The following SOX5 variants were observed in gnomAD, a reference collection of about 807,000 sequenced individuals.
SOX5 encodes SRY-box transcription factor 5, also known as transcription factor SOX-5.
Under a neutral mutation model 92.0 loss-of-function variants are expected in SOX5, and 9 were observed. The ratio of observed to expected loss-of-function variants is 0.10; its 90% CI spans 0.06 to 0.17. SOX5 has a LOEUF of 0.17. Among genes scored for constraint, SOX5 ranks in the 10% least tolerant of loss-of-function variants. The probability of loss-of-function intolerance (pLI) is 1.00; values close to 1 mark genes in which losing one functional copy is unlikely to be tolerated. For missense variants in SOX5, 642 were observed against 944.5 expected (o/e 0.68, Z 4.20); for synonymous variants, 344 against 336.3 (o/e 1.02, Z -0.25).
intron 1 of SOX5, among the ~76,000 whole-genome samples, chr12:24,424,441 C>T (rs115543535): frequency 0.011 from 1,647 of 152,124 alleles, 31 homozygotes; most frequent in African/African-American, 0.038. Context: ...GAAAACCTTG[C>T]CATAATTGTT....
At chr12:23,865,954 A>G (rs2096807649) in intron 2 of SOX5, among the ~76,000 whole-genome samples, 1 of 152,204 alleles carries the variant, frequency 6.6e-6, no homozygotes, top group African/African-American at 2.4e-5. Flanking sequence ...GAAAACTGGA[A>G]TCAGAAGCAG....
chr12:24,062,467 T>C (rs79776859), intron 4 of SOX5, among the ~76,000 whole-genome samples: 611 of 152,292 alleles, frequency 4.0e-3, no homozygotes, highest in Non-Finnish European at 6.8e-3. Context: ...AATGTTTCTG[T>C]GTGACAGGGA....
rs142420215 is a variant in SOX5, at chr12:24,558,371, C to T, written c.-251+3958G>A. Among the ~76,000 whole-genome samples, 156 of 152,138 alleles carry T rather than the reference C, an allele frequency of 1.0e-3. 2 individuals are homozygous for T. The highest frequency in any genetic ancestry group is 3.3e-3 in the African/African-American group (135 of 41,488). On this transcript the variant is annotated intron_variant, in intron 1 of 4. Transcript: ENST00000446891. ...GGGCTTTGGAGGAAACAACCCCCCG[C>T]GAAATTCCGCTAACTCATAGTTAGC...
At chr12:23,690,852 A>T (rs140023688) in intron 6 of SOX5, among the ~76,000 whole-genome samples, 184 of 152,102 alleles carry the variant, frequency 1.2e-3, no homozygotes, top group African/African-American at 4.2e-3. Context: ...TTTCCCACTT[A>T]ATTAGCTCAC....
chr12:24,469,060 T>C (rs1208350243), intron 1 of SOX5, among the ~76,000 whole-genome samples: 1 of 152,204 alleles, frequency 6.6e-6, no homozygotes, highest in Non-Finnish European at 1.5e-5. Context: ...AGCCATAATG[T>C]GGAATCAGTG....
chr12:24,413,050 C>G (rs554939014), intron 1 of SOX5, among the ~76,000 whole-genome samples: 1 of 152,172 alleles, frequency 6.6e-6, no homozygotes, highest in Admixed American at 6.5e-5. Flanking sequence ...CCATCGCGCC[C>G]GGCCTCAGTT....
chr12:24,125,608 A>G (rs528281304), intron 4 of SOX5, among the ~76,000 whole-genome samples: 7 of 152,314 alleles, frequency 4.6e-5, no homozygotes, highest in Admixed American at 3.9e-4. Context: ...ATACTGAGAA[A>G]TCGTCTCTAT....
At chr12:23,737,329 A>C (rs1163588438) in intron 5 of SOX5, among the ~76,000 whole-genome samples, 4 of 152,054 alleles carry the variant, frequency 2.6e-5, no homozygotes, top group Non-Finnish European at 5.9e-5. Flanking sequence ...TCGCAAGGTC[A>C]GGAGTTCGAG....
At chr12:24,252,570 T>C (rs1940318034) in intron 3 of SOX5, among the ~76,000 whole-genome samples, 1 of 152,022 alleles carries the variant, frequency 6.6e-6, no homozygotes, top group Admixed American at 6.6e-5. Flanking sequence ...TTTGATGTCA[T>C]GAAAGCTTCG....
At chr12:23,943,276 T>A (rs532452952) in intron 1 of SOX5, among the ~76,000 whole-genome samples, 1 of 152,166 alleles carries the variant, frequency 6.6e-6, no homozygotes, top group African/African-American at 2.4e-5. Context: ...AAAAAATCTC[T>A]TTAACTTCAA....
At chr12:24,077,740 A>G (rs1942802667) in intron 4 of SOX5, among the ~76,000 whole-genome samples, 1 of 147,600 alleles carries the variant, frequency 6.8e-6, no homozygotes, top group East Asian at 2.0e-4. Context: ...ACTAATTTAT[A>G]CAAGGTGGTA....
intron 3 of SOX5, among the ~76,000 whole-genome samples, chr12:24,245,583 TC>T (rs1202781495): frequency 6.6e-6 from 1 of 152,072 alleles, no homozygotes; most frequent in African/African-American, 2.4e-5. Flanking sequence ...TGGATTAAAA[TC>T]TGATTTGGGG....
intron 1 of SOX5, among the ~76,000 whole-genome samples, chr12:24,490,104 G>GC (rs758360646): frequency 7.9e-5 from 12 of 152,180 alleles, no homozygotes; most frequent in Non-Finnish European, 1.8e-4. Context: ...GCACTGCTTT[G>GC]CCACATTTGG....
intron 4 of SOX5, among the ~76,000 whole-genome samples, chr12:24,044,859 ACT>A (rs1956846592): frequency 6.6e-6 from 1 of 152,230 alleles, no homozygotes; most frequent in African/African-American, 2.4e-5. Context: ...GAAGGAATTA[ACT>A]CTCAGTCCCT....
intron 4 of SOX5, among the ~76,000 whole-genome samples, chr12:23,986,042 A>G (rs1438901790): frequency 6.6e-6 from 1 of 152,054 alleles, no homozygotes; most frequent in Non-Finnish European, 1.5e-5. Flanking sequence ...ATAATCCAAG[A>G]TAATCTGTTT....
chr12:24,266,284 A>T (rs975625414), intron 3 of SOX5, among the ~76,000 whole-genome samples: 7 of 152,196 alleles, frequency 4.6e-5, no homozygotes, highest in Non-Finnish European at 1.0e-4. Flanking sequence ...CTTTAGCTAT[A>T]AACGTGCATA....
chr12:24,267,398 G>GAT (rs1182362906), intron 3 of SOX5, among the ~76,000 whole-genome samples: 2 of 152,036 alleles, frequency 1.3e-5, no homozygotes, highest in Non-Finnish European at 2.9e-5. Flanking sequence ...AAGATGCATA[G>GAT]ATATGAGCAT....
At chr12:23,653,057 T>TGGATGGAG (rs2081868310) in intron 7 of SOX5, among the ~76,000 whole-genome samples, 1 of 151,628 alleles carries the variant, frequency 6.6e-6, no homozygotes, top group Admixed American at 6.6e-5. Flanking sequence ...GATGGATGGA[T>TGGATGGAG]GGATGGATGG....
rs12304125 is a variant in SOX5 at position 24,299,538 on chromosome 12, T to C, written c.-173-22226A>G. The stretch of plus-strand genomic sequence containing the variant: ...TTCACATTTTATAACTTATTGTCTA[T>C]TGTTTAACAGATTTAAAATTTTCTG... On this transcript the variant is annotated intron_variant, in intron 2 of 4. Coordinates refer to the SOX5 transcript ENST00000446891. 6.9e-3 allele frequency among the ~76,000 whole-genome samples: 1,049 copies of C among 152,258 alleles called. 5 individuals carry two copies. Among genetic ancestry groups the C allele is most frequent in the Middle Eastern group, 0.017 (5 of 294 alleles).
Sources: gnomAD v4.1 joint callset for allele counts (sites outside exome capture counted in the v4.1 genomes callset) on GRCh38, gnomAD v4.1.1 for gene constraint, MANE v1.5 for transcripts, NCBI Gene and HGNC (gene_info 2026-07-23, HGNC 2026-07-21) for gene names.